The following FAF1 variants were observed in gnomAD, a reference collection of about 807,000 sequenced individuals.
The protein encoded by FAF1 is FAS-associated factor 1.
Under a neutral mutation model 92.5 loss-of-function variants are expected in FAF1, and 25 were observed. The observed-to-expected ratio is 0.27, with a 90% CI of 0.20 to 0.38. The LOEUF is 0.38. FAF1 is among the 10% of genes least tolerant of loss of function. The pLI, the probability that FAF1 is intolerant of heterozygous loss-of-function variation, is 1.00. For missense variants in FAF1, 636 were observed against 793.3 expected, an observed-to-expected ratio of 0.80 and a Z score of 2.38; for synonymous variants, 234 against 273.2, an observed-to-expected ratio of 0.86 and a Z score of 1.42.
chr1:50,909,529 G>A (rs923814223), intron 1 of FAF1, among the ~76,000 whole-genome samples: 12 of 152,168 alleles, frequency 7.9e-5, no homozygotes, highest in Non-Finnish European at 1.8e-4. Context: ...ATGCAGATTT[G>A]GTCTTTTCAC....
At chr1:50,531,394 T>C (rs1344676897) in intron 15 of FAF1, among the ~76,000 whole-genome samples, 1 of 152,178 alleles carries the variant, frequency 6.6e-6, no homozygotes, top group African/African-American at 2.4e-5. Context: ...CTCTTGATTA[T>C]CAGAGGTTTC....
chr1:50,740,806 G>A (rs1659352029), intron 5 of FAF1, among the ~76,000 whole-genome samples: 1 of 152,084 alleles, frequency 6.6e-6, no homozygotes, highest in South Asian at 2.1e-4. Context: ...AAATTGATGA[G>A]TTATCTCTAT....
chr1:50,855,853 T>C (rs140557224), intron 2 of FAF1, among the ~76,000 whole-genome samples: 1 of 151,982 alleles, frequency 6.6e-6, no homozygotes, highest in African/African-American at 2.4e-5. Flanking sequence ...CTGATGTTTT[T>C]GCTTGGGCCT....
intron 1 of FAF1, among the ~76,000 whole-genome samples, chr1:50,883,752 C>T (rs924815287): frequency 6.6e-6 from 1 of 152,084 alleles, no homozygotes; most frequent in Non-Finnish European, 1.5e-5. Flanking sequence ...TTCAGCATAA[C>T]TAGGAAATTT....
rs1416860994 is a variant in FAF1 at position 50,437,291 on chromosome 1, T to A, written c.*4149A>T. On this transcript the variant is annotated 3_prime_UTR_variant, in exon 19 of 19. Coordinates refer to ENST00000396153, the MANE Select transcript of FAF1 (RefSeq NM_007051.3). ...TTCTCCCCAAATAGGATGACGTAAA[T>A]GGTGATTCTTAAAATTTTTTGATCA... The A allele has an allele frequency of 6.6e-6, 1 of 152,130 alleles. No individual in the cohort carries two copies. The highest frequency in any genetic ancestry group is 1.5e-5 in the Non-Finnish European group (1 of 68,024). The allele number at this position is 152,130 out of a possible 1,614,324, so 9.4% of individuals were successfully genotyped here.
chr1:50,602,095 C>G (rs1320686133), intron 8 of FAF1, among the ~76,000 whole-genome samples: 2 of 152,152 alleles, frequency 1.3e-5, no homozygotes, highest in Admixed American at 6.5e-5. Context: ...TTGGTTATGT[C>G]ACCTGCAGAC....
At chr1:50,469,654 T>C (rs1393859657) in intron 18 of FAF1, 1 of 151,720 alleles carries the variant, frequency 6.6e-6, no homozygotes, top group Non-Finnish European at 1.5e-5. Flanking sequence ...CAAGAGACAG[T>C]GGGGAGCATA....
intron 4 of FAF1, among the ~76,000 whole-genome samples, chr1:50,757,821 G>C (rs1660139732): frequency 6.6e-6 from 1 of 151,574 alleles, no homozygotes; most frequent in African/African-American, 2.4e-5. Flanking sequence ...TTCTTCATTG[G>C]GGATTTTTGA....
chr1:50,561,044 A>G (rs1032881386), intron 13 of FAF1, among the ~76,000 whole-genome samples: 1 of 152,214 alleles, frequency 6.6e-6, no homozygotes, highest in South Asian at 2.1e-4. Context: ...TCCACCGTGT[A>G]GCCACTCTAG....
At chr1:50,861,744 A>G (rs1454438107) in intron 1 of FAF1, among the ~76,000 whole-genome samples, 1 of 151,924 alleles carries the variant, frequency 6.6e-6, no homozygotes, top group African/African-American at 2.4e-5. Flanking sequence ...CCTTGTAAGA[A>G]GAGATACCAA....
At chr1:50,662,134 A>T (rs193219314) in intron 7 of FAF1, among the ~76,000 whole-genome samples, 5 of 152,318 alleles carry the variant, frequency 3.3e-5, no homozygotes, top group Admixed American at 3.3e-4. Flanking sequence ...CTCATTAACC[A>T]TTAAAAAGAC....
intron 2 of FAF1, among the ~76,000 whole-genome samples, chr1:50,840,318 G>A (rs1045098854): frequency 4.0e-5 from 6 of 151,564 alleles, no homozygotes; most frequent in East Asian, 3.9e-4. Flanking sequence ...TGAAATGGCC[G>A]GCCACATACC....
At chr1:50,783,979 G>A (rs772202214) in intron 4 of FAF1, among the ~76,000 whole-genome samples, 7 of 152,136 alleles carry the variant, frequency 4.6e-5, no homozygotes, top group Non-Finnish European at 1.0e-4. Flanking sequence ...AAAAGCTTTT[G>A]ACAGAAGTCA....
chr1:50,909,248 T>C (rs1220457249), intron 1 of FAF1, among the ~76,000 whole-genome samples: 1 of 152,256 alleles, frequency 6.6e-6, no homozygotes, highest in Non-Finnish European at 1.5e-5. Context: ...AGATCCGCTG[T>C]TAGTCTGATG....
chr1:50,852,647 T>C (rs1019862370), intron 2 of FAF1, among the ~76,000 whole-genome samples: 1 of 152,202 alleles, frequency 6.6e-6, no homozygotes, highest in African/African-American at 2.4e-5. Context: ...CAATTCCTCA[T>C]GAACTGACAG....
chr1:50,451,527 C>T (rs1157240599), intron 18 of FAF1, among the ~76,000 whole-genome samples: 1 of 152,200 alleles, frequency 6.6e-6, no homozygotes, highest in Non-Finnish European at 1.5e-5. Context: ...AATCTGTGTT[C>T]TTAACCACCA....
At chr1:50,606,588 C>T (rs1002794562) in intron 8 of FAF1, among the ~76,000 whole-genome samples, 3 of 150,492 alleles carry the variant, frequency 2.0e-5, no homozygotes, top group African/African-American at 7.3e-5. Context: ...CAACCTCCGC[C>T]TCCCAGGTTC....
At chr1:50,863,537 G>A (rs1270945225) in intron 1 of FAF1, among the ~76,000 whole-genome samples, 1 of 151,978 alleles carries the variant, frequency 6.6e-6, no homozygotes, top group Non-Finnish European at 1.5e-5. Context: ...AAATGAAATT[G>A]AAACAAACAA....
intron 4 of FAF1, among the ~76,000 whole-genome samples, chr1:50,758,419 A>G (rs1470661147): frequency 6.6e-6 from 1 of 152,234 alleles, no homozygotes; most frequent in Non-Finnish European, 1.5e-5. Flanking sequence ...TTACGACAGA[A>G]TACTTCTAGT....
Sources: allele counts gnomAD v4.1 joint callset (sites outside exome capture counted in the v4.1 genomes callset), GRCh38; gene constraint gnomAD v4.1.1; transcripts MANE v1.5; gene names NCBI Gene and HGNC (gene_info 2026-07-23, HGNC 2026-07-21).